XKR6: variants seen among roughly 807,000 people sequenced by gnomAD.
XKR6 encodes XK related 6, also known as XK-related protein 6.
XKR6 carries 22 observed loss-of-function variants against 56.7 expected under a neutral mutation model. The observed-to-expected ratio is 0.39, with a 90% CI of 0.28 to 0.55. The LOEUF (loss-of-function observed/expected upper bound fraction) is 0.55. XKR6 is among the 20% of genes least tolerant of loss of function. The probability of loss-of-function intolerance (pLI) is 0.66; values close to 1 mark genes in which losing one functional copy is unlikely to be tolerated. For missense variants in XKR6, 852 were observed against 889.0 expected (o/e 0.96, Z 0.53); for synonymous variants, 524 against 387.8 (o/e 1.35, Z -4.13).
chr8:11,156,833 G>GCACA (rs377030492), intron 1 of XKR6, among the ~76,000 whole-genome samples: 1 of 151,396 alleles, frequency 6.6e-6, no homozygotes, highest in African/African-American at 2.4e-5. Flanking sequence ...AGACACAGAT[G>GCACA]CACACACACA....
chr8:10,983,577 C>T (rs969950093), intron 1 of XKR6, among the ~76,000 whole-genome samples: 2 of 152,176 alleles, frequency 1.3e-5, no homozygotes, highest in Non-Finnish European at 2.9e-5. Context: ...AAAAATTCTA[C>T]CTAATCCTTA....
chr8:11,054,086 T>G (rs1470861927), intron 1 of XKR6, among the ~76,000 whole-genome samples: 1 of 152,060 alleles, frequency 6.6e-6, no homozygotes, highest in East Asian at 1.9e-4. Flanking sequence ...GAATGCTGGG[T>G]GGGGAATCAA....
At chr8:10,930,393 G>A (rs568299135) in intron 1 of XKR6, among the ~76,000 whole-genome samples, 32 of 152,072 alleles carry the variant, frequency 2.1e-4, no homozygotes, top group Non-Finnish European at 4.1e-4. Context: ...TGCACCAACT[G>A]TACACAATCT....
intron 1 of XKR6, among the ~76,000 whole-genome samples, chr8:10,925,201 C>T (rs1800844454): frequency 6.6e-6 from 1 of 152,120 alleles, no homozygotes; most frequent in Non-Finnish European, 1.5e-5. Context: ...GTTCAGGACC[C>T]CGGGGGGAAA....
chr8:10,957,532 C>A (rs1801927031), intron 1 of XKR6, among the ~76,000 whole-genome samples: 1 of 152,288 alleles, frequency 6.6e-6, no homozygotes. Flanking sequence ...ACATCAATGT[C>A]TTGCAGGCTC....
At chr8:11,060,590 G>T (rs767753123) in intron 1 of XKR6, among the ~76,000 whole-genome samples, 2 of 152,178 alleles carry the variant, frequency 1.3e-5, no homozygotes, top group African/African-American at 2.4e-5. Context: ...GGACTAAGAG[G>T]TTACAAAGTC....
rs571238906 is a variant in XKR6 at position 11,145,495 on chromosome 8, AAAGT to A, written c.764+55077_764+55080del. On this transcript the variant is annotated intron_variant, in intron 1 of 2. Coordinates refer to ENST00000416569, the MANE Select transcript of XKR6 (RefSeq NM_173683.4). ...AAATTCCCATAGCCGCTACCAAAAA[AAAGT>A]TTCTGCAACTAAGACTTAGCAAGAT... is the stretch of plus-strand genomic sequence containing the variant. Among the ~76,000 whole-genome samples the A allele has an allele frequency of 9.2e-5, 14 of 152,354 alleles. 1 individual carries two copies. The South Asian group carries it at 2.9e-3, about 32-fold the overall frequency.
At chr8:11,149,664 G>A (rs1036059922) in intron 1 of XKR6, among the ~76,000 whole-genome samples, 1 of 150,934 alleles carries the variant, frequency 6.6e-6, no homozygotes, top group Non-Finnish European at 1.5e-5. Flanking sequence ...AATTAGTACA[G>A]CCACTACAGA....
intron 1 of XKR6, among the ~76,000 whole-genome samples, chr8:11,090,334 C>T (rs1377127489): frequency 2.6e-5 from 4 of 152,150 alleles, no homozygotes; most frequent in African/African-American, 9.7e-5. Context: ...GTGATCCTCC[C>T]CTCTCAGCCT....
chr8:11,201,584 C>G lies in XKR6; in HGVS notation c.-245G>C, dbSNP rs1804251165. Among the ~76,000 whole-genome samples, 1 of 152,128 alleles carries G rather than the reference C, an allele frequency of 6.6e-6. No individual in the cohort carries two copies. Among genetic ancestry groups the G allele is most frequent in the Non-Finnish European group, 1.5e-5 (1 of 68,014 alleles). On this transcript the variant is annotated 5_prime_UTR_variant, in exon 1 of 3. Transcript: ENST00000416569. ...CAGCTCCCCAGCCCTACCCTCCCGGCCAAGATGGCCGCCCTCCTGTGCCTC... is the reference window on the plus strand; with the variant it reads ...CAGCTCCCCAGCCCTACCCTCCCGGGCAAGATGGCCGCCCTCCTGTGCCTC...
chr8:11,031,182 AT>A, intron 1 of XKR6, among the ~76,000 whole-genome samples: 1 of 152,302 alleles, frequency 6.6e-6, no homozygotes, highest in East Asian at 1.9e-4. Context: ...AGAATCTGGT[AT>A]TGGGAGAGAA....
intron 1 of XKR6, among the ~76,000 whole-genome samples, chr8:11,116,818 G>A (rs1213925087): frequency 6.6e-6 from 1 of 152,154 alleles, no homozygotes; most frequent in Non-Finnish European, 1.5e-5. Context: ...ACCACTTGAT[G>A]TTTTGTAATG....
intron 1 of XKR6, among the ~76,000 whole-genome samples, chr8:11,199,072 A>G (rs554325650): frequency 2.0e-5 from 3 of 152,380 alleles, no homozygotes; most frequent in African/African-American, 4.8e-5. Context: ...CTAAAAGTTA[A>G]TCGGCATTTT....
chr8:11,194,828 G>C (rs531454143), intron 1 of XKR6: 63 of 374,464 alleles, frequency 1.7e-4, no homozygotes, highest in African/African-American at 1.2e-3. Flanking sequence ...CTGCCTGCTA[G>C]ATTTCAGGAG....
At chr8:11,058,491 G>A (rs1799742384) in intron 1 of XKR6, among the ~76,000 whole-genome samples, 1 of 152,184 alleles carries the variant, frequency 6.6e-6, no homozygotes, top group Non-Finnish European at 1.5e-5. Context: ...TATATACCAT[G>A]GAATACTATG....
intron 1 of XKR6, among the ~76,000 whole-genome samples, chr8:11,142,448 T>C (rs1201595475): frequency 6.6e-6 from 1 of 152,204 alleles, no homozygotes; most frequent in African/African-American, 2.4e-5. Context: ...TGTTGAAATG[T>C]AATAACCAGT....
intron 1 of XKR6, among the ~76,000 whole-genome samples, chr8:11,142,317 C>T (rs948568496): frequency 6.7e-6 from 1 of 148,994 alleles, no homozygotes; most frequent in Non-Finnish European, 1.5e-5. Context: ...TCTTGACATA[C>T]CAGACAGCAA....
chr8:11,052,805 G>C (rs1333404379), intron 1 of XKR6, among the ~76,000 whole-genome samples: 1 of 151,808 alleles, frequency 6.6e-6, no homozygotes, highest in East Asian at 1.9e-4. Flanking sequence ...CCTCTAGAGG[G>C]CTCGTTAGGA....
chr8:10,985,877 A>T (rs1407435774), intron 1 of XKR6, among the ~76,000 whole-genome samples: 1 of 152,206 alleles, frequency 6.6e-6, no homozygotes, highest in Non-Finnish European at 1.5e-5. Flanking sequence ...GAGCGCTGGG[A>T]TTACAGGCAT....
Sources: gnomAD v4.1 joint callset for allele counts (sites outside exome capture counted in the v4.1 genomes callset) on GRCh38, gnomAD v4.1.1 for gene constraint, MANE v1.5 for transcripts, NCBI Gene and HGNC (gene_info 2026-07-23, HGNC 2026-07-21) for gene names.